UBA1: variants seen among roughly 807,000 people sequenced by gnomAD.
UBA1 encodes the protein ubiquitin-like modifier-activating enzyme 1.
Under a neutral mutation model 84.7 loss-of-function variants are expected in UBA1, and 4 were observed. That is an observed-to-expected ratio of 0.05 (90% CI 0.02 to 0.11). The LOEUF is 0.11. Ranked by LOEUF, UBA1 falls within the 10% of genes least tolerant of loss-of-function variation. The pLI, the probability that UBA1 is intolerant of heterozygous loss-of-function variation, is 1.00. For missense variants in UBA1, 513 were observed against 902.8 expected, an observed-to-expected ratio of 0.57 and a Z score of 5.53; for synonymous variants, 364 against 362.6, an observed-to-expected ratio of 1.00 and a Z score of -0.04.
In UBA1 at chrX:47,206,104, G is replaced by C; in HGVS notation, c.1732G>C (p.Val578Leu). 8.3e-7 allele frequency: 1 copy of C among 1,201,973 alleles called. No homozygotes were observed. Among genetic ancestry groups the C allele is most frequent in the Admixed American group, 2.2e-5 (1 of 44,964 alleles). Residue 578 changes from valine to leucine, a missense_variant, in exon 15 of 26, where the codon GTG becomes CTG. Coordinates refer to ENST00000335972, the MANE Select transcript of UBA1 (RefSeq NM_003334.4). ...LDGVANALDN[V>L]DARMYMDRRC... ...TGGCGTGGCCAATGCCCTGGACAACGTGGATGCCCGTGAGTTTGGAGGCGG... is the reference window on the plus strand; with the variant it reads ...TGGCGTGGCCAATGCCCTGGACAACCTGGATGCCCGTGAGTTTGGAGGCGG...
At chrX:47,208,327 G>A (rs1351586315) in intron 16 of UBA1, among the ~76,000 whole-genome samples, 1 of 48,017 alleles carries the variant, frequency 2.1e-5, no homozygotes, top group African/African-American at 1.1e-4. Flanking sequence ...GTGTGTACGT[G>A]TGTGTGTGTG....
At chrX:47,205,339 G>A (rs1602639947) in intron 14 of UBA1, 1 of 313,320 alleles carries the variant, frequency 3.2e-6, no homozygotes. Context: ...CATCAATCCT[G>A]GGTGCTGTTA....
At chrX:47,213,727 C>T (rs1029369543) in intron 23 of UBA1, among the ~76,000 whole-genome samples, 3 of 111,120 alleles carry the variant, frequency 2.7e-5, no homozygotes, top group African/African-American at 9.8e-5. Context: ...ATTAGCCAGG[C>T]GTAGTGGTAG....
intron 1 of UBA1, 121 bp from the exon 2 acceptor site, chrX:47,198,680 CCT>C (rs1936291567): frequency 1.5e-6 from 1 of 669,344 alleles, no homozygotes; most frequent in Non-Finnish European, 2.4e-6. Flanking sequence ...GTGCCTGTCC[CCT>C]CTTTGCTGTA....
rs1556786937 is a variant in UBA1, at chrX:47,199,551, C to T, written c.417C>T (p.Asn139=). 8.3e-7 allele frequency: 1 copy of T among 1,211,822 alleles called. No homozygotes were observed. Among genetic ancestry groups the T allele is most frequent in the Non-Finnish European group, 1.1e-6 (1 of 895,413 alleles). Residue 139 remains asparagine (N), a synonymous_variant, in exon 5 of 26, where the codon AAC becomes AAT. Transcript: ENST00000335972. ...CACAGCCCCGCCTCGCTGAGCTCAA[C>T]AGCTATGTGCCTGTCACTGCCTACA... ...EVSQPRLAEL[N]SYVPVTAYTG...
intron 5 of UBA1, among the ~76,000 whole-genome samples, chrX:47,199,902 C>T (rs1483906310): frequency 3.6e-5 from 4 of 110,097 alleles, no homozygotes; most frequent in African/African-American, 3.3e-5. Flanking sequence ...CCTGCCTCAG[C>T]CTCCCGAGTA....
At chrX:47,212,920 T>TTG in intron 22 of UBA1, 57 bp downstream of exon 22, 1 of 1,207,241 alleles carries the variant, frequency 8.3e-7, no homozygotes, top group Admixed American at 2.2e-5. Flanking sequence ...TTACCCACAC[T>TTG]TAGCCCCTCT....
chrX:47,212,838 A>C lies in UBA1; in HGVS notation c.2621A>C (p.Asp874Ala). 2 of 1,211,666 alleles carry C rather than the reference A, an allele frequency of 1.7e-6. No individual in the cohort carries two copies. Among genetic ancestry groups the C allele is most frequent in the Non-Finnish European group, 2.2e-6 (2 of 895,388 alleles). ...AASNLRAENYDIPSADRHKSK... is the reference protein window; with the variant it reads ...AASNLRAENYAIPSADRHKSK... ...TCCAACCTCCGGGCAGAAAACTATG[A>C]CATTCCTTCTGCAGACCGGCACAAG... Residue 874 changes from aspartate (D) to alanine (A), a missense_variant, in exon 22 of 26, where the codon GAC becomes GCC. By Grantham distance (126) the Asp-to-Ala change is moderately radical. Around this residue, in one of 6 missense-constraint regions of UBA1, gnomAD observed 151 missense variants for 260.1 expected, o/e 0.58. Coordinates refer to ENST00000335972, the MANE Select transcript of UBA1 (RefSeq NM_003334.4).
chrX:47,202,278 G>A (rs370530367), intron 9 of UBA1, 25 bp downstream of exon 9: 6 of 1,205,078 alleles, frequency 5.0e-6, no homozygotes, highest in Non-Finnish European at 6.7e-6. Context: ...GGGATCAGTG[G>A]GCTGTGGGGG....
intron 14 of UBA1, 190 bp from the exon 15 acceptor site, chrX:47,205,758 G>A (rs1272008743): frequency 2.4e-5 from 12 of 494,378 alleles, no homozygotes; most frequent in Non-Finnish European, 4.1e-5. Flanking sequence ...GGAGGCTGAG[G>A]TGGGAGGATC....
In UBA1 at chrX:47,210,072, C is replaced by T. The variant is rs1936858002; in HGVS notation, c.2148C>T (p.Thr716=). Residue 716 remains threonine (T), a synonymous_variant, in exon 18 of 26, where the codon ACC becomes ACT. Transcript: ENST00000335972. The part of the protein sequence containing the change: ...CVTWACHHWH[T]QYSNNIRQLL... ...CCTGGGCCTGCCACCACTGGCACAC[C>T]CAGTACTCGAACAACATCCGGCAGC... 8.3e-7 allele frequency: 1 copy of T among 1,210,456 alleles called. No individual in the cohort carries two copies. Among genetic ancestry groups the T allele is most frequent in the African/African-American group, 1.7e-5 (1 of 57,188 alleles).
At position 47,205,830 on chromosome X, in the gene UBA1, T is replaced by C. The variant is rs1170156695; in HGVS notation, c.1576-118T>C. 8 of 859,910 alleles carry C rather than the reference T, an allele frequency of 9.3e-6. No individual in the cohort carries two copies. In the East Asian group the frequency reaches 2.4e-4, roughly 26 times the overall value. The allele number at this position is 859,910 out of a possible 1,213,427, so 70.9% of individuals were successfully genotyped here. On this transcript the variant is annotated intron_variant, in intron 14 of 25. Coordinates refer to ENST00000335972, the MANE Select transcript of UBA1 (RefSeq NM_003334.4). The stretch of plus-strand genomic sequence containing the variant: ...GATCATGCCACTGCATTCCAGCCTG[T>C]GTGATGGAGAGAGACCCTGTCTCAA...
intron 1 of UBA1, chrX:47,198,345 C>T (rs1556786215): frequency 2.1e-6 from 2 of 942,606 alleles, no homozygotes; most frequent in Non-Finnish European, 2.8e-6. Flanking sequence ...CTCGATAACC[C>T]CGTGGGGAAG....
intron 19 of UBA1, 31 bp from the exon 20 acceptor site, chrX:47,211,005 G>A (rs1556793205): frequency 1.7e-6 from 2 of 1,210,361 alleles, no homozygotes; most frequent in East Asian, 3.0e-5. Context: ...GGGCTGATGT[G>A]CTCACCCTTC....
chrX:47,207,592 C>T (rs147119087), intron 16 of UBA1, among the ~76,000 whole-genome samples: 195 of 111,050 alleles, frequency 1.8e-3, no homozygotes, highest in African/African-American at 5.4e-3. Context: ...TACCATTGTG[C>T]TGTCAGAATA....
At position 47,197,218 on chromosome X, in the gene UBA1, C is replaced by T. The variant is rs782466426; in HGVS notation, c.1-1585C>T. 6 of 753,944 alleles carry T rather than the reference C, an allele frequency of 8.0e-6. No homozygotes were observed. In the African/African-American group the frequency reaches 1.4e-4, roughly 17 times the overall value. 62.1% of individuals were successfully genotyped at this position (753,944 alleles called of 1,213,427 possible). A position where few individuals can be genotyped will look rare whatever the true frequency, so the allele number is the denominator to read the frequency against. On this transcript the variant is annotated intron_variant, in intron 1 of 25. Transcript: ENST00000335972. The stretch of plus-strand genomic sequence containing the variant: ...GTGGACTGGGCCCTGAGCCCAGGGG[C>T]ATTTGGCAAACAGTCCCCCACCAGC...
chrX:47,202,764 G>T lies in UBA1; in HGVS notation c.1183G>T (p.Ala395Ser). The change falls in exon 11 of 26, where the codon GCA becomes TCA. Residue 395 changes from alanine to serine, a missense_variant. Around this residue, in one of 6 missense-constraint regions of UBA1, gnomAD observed 227 missense variants for 339.1 expected, o/e 0.67. Coordinates refer to ENST00000335972, the MANE Select transcript of UBA1 (RefSeq NM_003334.4). The stretch of plus-strand genomic sequence containing the variant: ...GGCATATGTGGCTGCTGGGGATCTG[G>T]CACCCATAAACGCCTTCATTGGGGG... The part of the protein sequence containing the change: ...KLAYVAAGDL[A>S]PINAFIGGLA... 1 of 1,209,790 alleles carries T rather than the reference G, an allele frequency of 8.3e-7. No homozygotes were observed. Among genetic ancestry groups the T allele is most frequent in the Non-Finnish European group, 1.1e-6 (1 of 894,414 alleles).
In UBA1 at chrX:47,201,266, C is replaced by T; in HGVS notation, c.588-10C>T. On this transcript the variant is annotated splice_polypyrimidine_tract_variant and intron_variant, in intron 6 of 25. Transcript: ENST00000335972. ...GACACAGGCACCAGCCCTATTGCTT[C>T]CCTCTACAGGCAGCTCTTCTGTGAC... 8.3e-7 allele frequency: 1 copy of T among 1,202,165 alleles called. No homozygotes were observed. The highest frequency in any genetic ancestry group is 1.1e-6 in the Non-Finnish European group (1 of 888,924).
intron 8 of UBA1, 88 bp downstream of exon 8, chrX:47,201,698 C>T (rs979071203): frequency 9.2e-7 from 1 of 1,085,054 alleles, no homozygotes; most frequent in Admixed American, 2.3e-5. Flanking sequence ...AAGACATGGC[C>T]CTTGGTTCAG....
Sources: gnomAD v4.1 joint callset for allele counts (sites outside exome capture counted in the v4.1 genomes callset) on GRCh38, gnomAD v4.1.1 for gene constraint, gnomAD v4.1.1 regional missense constraint, MANE v1.5 for transcripts, NCBI Gene and HGNC (gene_info 2026-07-23, HGNC 2026-07-21) for gene names.